The following TFEC variants were observed in gnomAD, a reference collection of about 807,000 sequenced individuals.
TFEC encodes the protein class E basic helix-loop-helix protein 34.
TFEC carries 31 observed loss-of-function variants against 41.6 expected under a neutral mutation model. That is an observed-to-expected ratio of 0.74 (90% CI 0.56 to 1.01). The LOEUF (loss-of-function observed/expected upper bound fraction) is 1.01, where lower values mean the gene tolerates loss of function less well. TFEC is among the 50% of genes least tolerant of loss of function. The pLI is 0.00. For synonymous variants in TFEC, 143 were observed against 140.6 expected (o/e 1.02, Z -0.12); for missense variants, 402 against 404.1 (o/e 0.99, Z 0.04).
chr7:116,102,514 G>A (rs1797627537), intron 3 of TFEC, among the ~76,000 whole-genome samples: 1 of 152,280 alleles, frequency 6.6e-6, no homozygotes, highest in East Asian at 1.9e-4. Context: ...TGATGACCTT[G>A]ATTAGGGTGG....
At chr7:116,024,487 T>C (rs1443726118) in intron 1 of TFEC, among the ~76,000 whole-genome samples, 1 of 152,158 alleles carries the variant, frequency 6.6e-6, no homozygotes, top group African/African-American at 2.4e-5. Flanking sequence ...CAAATCTCAG[T>C]TTTCTTTTCT....
intron 1 of TFEC, among the ~76,000 whole-genome samples, chr7:116,136,286 T>C (rs1798431035): frequency 6.6e-6 from 1 of 152,030 alleles, no homozygotes; most frequent in Admixed American, 6.6e-5. Context: ...AATTTAATAA[T>C]TCAAAAGTAT....
chr7:116,087,435 A>C (rs192972305), intron 3 of TFEC, among the ~76,000 whole-genome samples: 2 of 152,044 alleles, frequency 1.3e-5, no homozygotes, highest in African/African-American at 4.8e-5. Flanking sequence ...TATTATGTCT[A>C]TTCTACTCTC....
intron 1 of TFEC, among the ~76,000 whole-genome samples, chr7:116,113,633 T>C (rs1797905847): frequency 1.3e-5 from 2 of 152,038 alleles, no homozygotes; most frequent in South Asian, 4.1e-4. Flanking sequence ...TAATAAAGCA[T>C]AGGTAAATAT....
intron 3 of TFEC, among the ~76,000 whole-genome samples, chr7:116,057,327 C>T (rs1796453638): frequency 6.6e-6 from 1 of 151,860 alleles, no homozygotes; most frequent in African/African-American, 2.4e-5. Context: ...ACTCCAAGCC[C>T]TAAACATCAT....
chr7:116,096,704 C>A (rs531930725), intron 3 of TFEC, among the ~76,000 whole-genome samples: 1 of 151,948 alleles, frequency 6.6e-6, no homozygotes, highest in East Asian at 1.9e-4. Context: ...TTTTCATGAG[C>A]TTGTAAAGTC....
At chr7:116,109,880 G>A (rs1375031237) in intron 3 of TFEC, among the ~76,000 whole-genome samples, 1 of 152,160 alleles carries the variant, frequency 6.6e-6, no homozygotes, top group African/African-American at 2.4e-5. Flanking sequence ...ATCCACCATG[G>A]AATACTATGC....
intron 1 of TFEC, among the ~76,000 whole-genome samples, chr7:116,020,289 G>A (rs1273715967): frequency 6.6e-6 from 1 of 152,140 alleles, no homozygotes; most frequent in Non-Finnish European, 1.5e-5. Context: ...TTGTGCAGAG[G>A]AGGGAGCAAT....
chr7:115,962,634 A>G (rs879820473), intron 3 of TFEC, among the ~76,000 whole-genome samples: 4 of 151,848 alleles, frequency 2.6e-5, no homozygotes, highest in Non-Finnish European at 5.9e-5. Context: ...ACTGGCTATC[A>G]TCATGCAAAA....
At chr7:115,958,725 G>A (rs564290710) in intron 3 of TFEC, among the ~76,000 whole-genome samples, 7 of 151,810 alleles carry the variant, frequency 4.6e-5, no homozygotes, top group South Asian at 4.1e-4. Context: ...AACTGTAGCC[G>A]TATTGCATAT....
At chr7:115,953,309 A>G (rs952018654) in intron 5 of TFEC, among the ~76,000 whole-genome samples, 1 of 152,090 alleles carries the variant, frequency 6.6e-6, no homozygotes, top group Admixed American at 6.6e-5. Flanking sequence ...TTTTATGTAA[A>G]CTTCTGGTAA....
intron 3 of TFEC, among the ~76,000 whole-genome samples, chr7:116,078,520 G>A (rs1351921190): frequency 6.6e-6 from 1 of 151,940 alleles, no homozygotes; most frequent in Non-Finnish European, 1.5e-5. Context: ...TGATACCACA[G>A]AAATACAAAA....
intron 1 of TFEC, among the ~76,000 whole-genome samples, chr7:116,114,954 A>T (rs1411920763): frequency 6.6e-6 from 1 of 151,894 alleles, no homozygotes; most frequent in East Asian, 2.0e-4. Flanking sequence ...AGACAAAGAC[A>T]TCAGAAGAGA....
At chr7:116,016,406 T>A (rs572708390) in intron 1 of TFEC, among the ~76,000 whole-genome samples, 1 of 152,282 alleles carries the variant, frequency 6.6e-6, no homozygotes, top group East Asian at 1.9e-4. Flanking sequence ...TGGTTTTAAA[T>A]ACCAGCTATA....
rs139405005 is a variant in TFEC at position 116,154,315 on chromosome 7, C to T, written c.-69+5475G>A. ...ATTTCAAATGCACCTCCTTTTCTTT[C>T]TCTATCTCCATTCCTCACTTTCTTC... On this transcript the variant is annotated intron_variant, in intron 1 of 8. Coordinates refer to the TFEC transcript ENST00000484212. Among the ~76,000 whole-genome samples the T allele has an allele frequency of 7.8e-3, 1,186 of 152,260 alleles. 6 individuals are homozygous for T. The highest frequency in any genetic ancestry group is 0.013 in the Non-Finnish European group (855 of 68,008).
intron 1 of TFEC, among the ~76,000 whole-genome samples, chr7:116,127,537 T>C (rs764129059): frequency 1.3e-5 from 2 of 152,134 alleles, no homozygotes; most frequent in African/African-American, 4.8e-5. Flanking sequence ...TGTATTTACC[T>C]CTAGACTTTC....
intron 1 of TFEC, among the ~76,000 whole-genome samples, chr7:116,135,050 A>G (rs1464289507): frequency 6.6e-6 from 1 of 152,160 alleles, no homozygotes; most frequent in East Asian, 1.9e-4. Flanking sequence ...ATTGTAGTGA[A>G]TTTAATTTCA....
intron 3 of TFEC, among the ~76,000 whole-genome samples, chr7:116,107,190 T>C (rs905870257): frequency 1.3e-5 from 2 of 152,134 alleles, no homozygotes; most frequent in Non-Finnish European, 2.9e-5. Context: ...TAGCCACAAA[T>C]TGAGATAACT....
At chr7:116,098,972 C>T (rs993365389) in intron 3 of TFEC, among the ~76,000 whole-genome samples, 3 of 151,726 alleles carry the variant, frequency 2.0e-5, no homozygotes, top group African/African-American at 7.3e-5. Context: ...AAGCAAAAGT[C>T]TTCAGCAAAA....
Sources: gnomAD v4.1 joint callset for allele counts (sites outside exome capture counted in the v4.1 genomes callset) on GRCh38, gnomAD v4.1.1 for gene constraint, MANE v1.5 for transcripts, NCBI Gene and HGNC (gene_info 2026-07-23, HGNC 2026-07-21) for gene names.